Variants in TRPM5 observed in about 807,000 individuals in gnomAD.
The protein encoded by TRPM5 is transient receptor potential cation channel subfamily M member 5.
In TRPM5, 121 loss-of-function variants were observed where a neutral mutation model predicts 124.9. The observed-to-expected ratio is 0.97, with a 90% CI of 0.84 to 1.13. The LOEUF is 1.13. Among genes scored for constraint, TRPM5 ranks in the 50% most tolerant of loss-of-function variants. The pLI, the probability that TRPM5 is intolerant of heterozygous loss-of-function variation, is 0.00. For synonymous variants in TRPM5, 781 were observed against 700.5 expected (o/e 1.11, Z -1.81); for missense variants, 1,643 against 1,589.1 (o/e 1.03, Z -0.58).
At chr11:2,438,722 A>G in the TRPM5 span, among the ~76,000 whole-genome samples, 59 of 152,356 alleles carry the variant, frequency 3.9e-4, no homozygotes, top group African/African-American at 1.4e-3. This position sits in a 1 kb window ranked among gnomAD's most constrained non-coding sequence, Gnocchi z 5.9. Flanking sequence ...ATGGATAGGA[A>G]GAATCAGCAT....
chr11:2,414,009 G>GGGGGGGCGCCCCCCCCCCCCCC, intron 12 of TRPM5, 52 bp downstream of exon 17: 1 of 1,023,734 alleles, frequency 9.8e-7, no homozygotes, highest in Non-Finnish European at 1.4e-6. Context: ...GGCCCAGCTC[G>GGGGGGGCGCCCCCCCCCCCCCC]CCCGCCCACC....
intron 18 of TRPM5, among the ~76,000 whole-genome samples, chr11:2,410,383 T>G (rs991973023): frequency 2.0e-5 from 3 of 152,136 alleles, no homozygotes; most frequent in African/African-American, 4.8e-5. Flanking sequence ...CGTTGTGCCA[T>G]GACTGCCCCG....
chr11:2,415,291 C>A lies in TRPM5; in HGVS notation c.1309G>T (p.Glu437Ter). Residue 437 changes from glutamate to a stop codon, truncating the protein, a stop_gained, in exon 9 of 24, where the codon GAG (glutamate) becomes TAG (stop). Coordinates refer to ENST00000155858, the Ensembl canonical transcript of TRPM5. LOFTEE classifies it high-confidence loss of function. The stretch of plus-strand genomic sequence containing the variant: ...CCGGCCAGCGTCAGCCGGGCCTCCT[C>A]CTGCTTCCGCTGCAGCAGGTCGAAG... The A allele has an allele frequency of 6.3e-7, 1 of 1,578,016 alleles. No individual in the cohort carries two copies. Among genetic ancestry groups the A allele is most frequent in the Non-Finnish European group, 8.6e-7 (1 of 1,168,250 alleles).
exon 1 of TRPM5, chr11:2,422,950 G>T: frequency 5.0e-6 from 8 of 1,613,248 alleles, no homozygotes; most frequent in Non-Finnish European, 6.8e-6. Flanking sequence ...ACCCTCCAAA[G>T]TTGACCTCGC....
intron 20 of TRPM5, among the ~76,000 whole-genome samples, 156 bp downstream of exon 25, chr11:2,406,963 G>C (rs911363207): frequency 6.6e-6 from 1 of 152,184 alleles, no homozygotes. Flanking sequence ...GCGGGTGGAC[G>C]GGCTCAGCTG....
chr11:2,413,095 G>A (rs372892008), intron 14 of TRPM5, 39 bp downstream of exon 19: 27 of 1,547,550 alleles, frequency 1.7e-5, no homozygotes, highest in African/African-American at 5.5e-5. Context: ...GCCACCACCC[G>A]CCAGTCCCCT....
At chr11:2,414,594 A>C in intron 11 of TRPM5, 121 bp downstream of exon 16, 1 of 1,357,584 alleles carries the variant, frequency 7.4e-7, no homozygotes, top group Non-Finnish European at 9.7e-7. Context: ...GAGGCCCCTG[A>C]GGGCACCTGG....
intron 18 of TRPM5, among the ~76,000 whole-genome samples, chr11:2,409,980 C>T (rs918151535): frequency 3.3e-5 from 5 of 152,204 alleles, no homozygotes; most frequent in Non-Finnish European, 7.3e-5. Context: ...GATGCAGCCA[C>T]TCAAGAAAGA....
chr11:2,412,343 C>G, intron 15 of TRPM5, 90 bp from the exon 21 acceptor site: 1 of 1,020,532 alleles, frequency 9.8e-7, no homozygotes, highest in Non-Finnish European at 1.5e-6. Context: ...CTGTAAGGAT[C>G]AGGGTTCCAT....
the TRPM5 span, among the ~76,000 whole-genome samples, chr11:2,429,293 G>A: frequency 6.6e-6 from 1 of 151,160 alleles, no homozygotes; most frequent in Non-Finnish European, 1.5e-5. This position sits in a 1 kb window ranked among gnomAD's most constrained non-coding sequence, Gnocchi z 8.4. Flanking sequence ...AGTGGTGGTG[G>A]TTGTGGCAGT....
chr11:2,423,775 C>G (rs115694756), upstream of TRPM5, among the ~76,000 whole-genome samples: 190 of 152,324 alleles, frequency 1.2e-3, 7 homozygotes, highest in South Asian at 0.038. Context: ...CCGGTGAGGT[C>G]GGGCATCTCA....
chr11:2,413,698 TGCCCA>T (rs1276335223), intron 12 of TRPM5, 110 bp from the exon 18 acceptor site: 3 of 1,033,768 alleles, frequency 2.9e-6, no homozygotes, highest in African/African-American at 1.6e-5. Flanking sequence ...GCTGAAGGGG[TGCCCA>T]GCCCAGCCCT....
chr11:2,404,907 G>C, exon 24 of TRPM5: 1 of 1,576,656 alleles, frequency 6.3e-7, no homozygotes, highest in Non-Finnish European at 8.7e-7. Context: ...GCTGAGGAGA[G>C]GTGGCCCCAC....
At chr11:2,408,831 C>T (rs558933529) in intron 18 of TRPM5, among the ~76,000 whole-genome samples, 60 of 152,330 alleles carry the variant, frequency 3.9e-4, no homozygotes, top group Admixed American at 2.3e-3. Flanking sequence ...ATGGGAGCTC[C>T]GCTCTCTCCT....
rs747248878 is a variant in TRPM5, at chr11:2,415,364, A to C, written c.1236T>G (p.Tyr412Ter). Reference sequence around the variant, plus strand: ...AGCGGTAGAGCTCCTGCAGCCGCCCATACGTCAGGAAGTCGGCCACGTCTG... The same window carrying C: ...AGCGGTAGAGCTCCTGCAGCCGCCCCTACGTCAGGAAGTCGGCCACGTCTG... The change falls in exon 9 of 24, where the codon TAT becomes TAG. Residue 412 changes from tyrosine (Y) to a stop codon, truncating the protein, a stop_gained. Coordinates refer to ENST00000155858, the Ensembl canonical transcript of TRPM5. LOFTEE classifies it high-confidence loss of function. The C allele has an allele frequency of 1.3e-6, 2 of 1,588,376 alleles. No individual in the cohort carries two copies. The highest frequency in any genetic ancestry group is 2.7e-5 in the African/African-American group (2 of 74,628).
chr11:2,412,347 G>GTTCAGCGTGCCATGGGGATCAGGT, intron 15 of TRPM5, 94 bp from the exon 21 acceptor site: 2 of 987,492 alleles, frequency 2.0e-6, no homozygotes, highest in Non-Finnish European at 1.6e-6. Flanking sequence ...AAGGATCAGG[G>GTTCAGCGTGCCATGGGGATCAGGT]TTCCATCTAT....
upstream of TRPM5, among the ~76,000 whole-genome samples, chr11:2,424,284 G>T (rs1297129063): frequency 1.3e-5 from 2 of 152,244 alleles, no homozygotes; most frequent in African/African-American, 2.4e-5. Flanking sequence ...GGAGTTGGGG[G>T]GAACTTCAGA....
the TRPM5 span, among the ~76,000 whole-genome samples, chr11:2,443,827 C>T: frequency 4.8e-5 from 7 of 147,086 alleles, no homozygotes; most frequent in South Asian, 6.7e-4. The surrounding 1 kb of genome is among the most constrained non-coding windows in gnomAD (Gnocchi z 5.0). Context: ...CCCCCCACCC[C>T]CCCCCCAAGC....
Position 2,418,363 on chromosome 11 carries a change from G to C in TRPM5, c.715-5C>G. On this transcript the variant is annotated splice_region_variant and splice_polypyrimidine_tract_variant and intron_variant, in intron 5 of 23. Transcript: ENST00000155858. ...CTCCACGGCCCTGGAGATCCTCTGA[G>C]ACGGGGAGGGAGGGGAGAGCGGACC... The C allele has an allele frequency of 6.5e-7, 1 of 1,545,252 alleles. No individual in the cohort carries two copies. The highest frequency in any genetic ancestry group is 8.8e-7 in the Non-Finnish European group (1 of 1,140,956).
Sources: gnomAD v4.1 joint callset for allele counts (sites outside exome capture counted in the v4.1 genomes callset) on GRCh38, gnomAD v4.1.1 for gene constraint, Gnocchi (gnomAD v3.1) non-coding constraint, MANE v1.5 for transcripts, NCBI Gene and HGNC (gene_info 2026-07-23, HGNC 2026-07-21) for gene names.